The following RALYL variants were observed in gnomAD, a reference collection of about 807,000 sequenced individuals.
RALYL encodes the protein RNA-binding Raly-like protein.
In RALYL, 29 loss-of-function variants were observed where a neutral mutation model predicts 35.1. The observed-to-expected ratio is 0.83, with a 90% CI of 0.61 to 1.13. The LOEUF (loss-of-function observed/expected upper bound fraction) is 1.13, where lower values mean the gene tolerates loss of function less well. Among genes scored for constraint, RALYL ranks in the 50% most tolerant of loss-of-function variants. The pLI, the probability that RALYL is intolerant of heterozygous loss-of-function variation, is 0.00. For missense variants in RALYL, 359 were observed against 360.4 expected (o/e 1.00, Z 0.03); for synonymous variants, 120 against 127.6 (o/e 0.94, Z 0.40).
At chr8:84,885,382 A>G (rs951354338) in intron 7 of RALYL, among the ~76,000 whole-genome samples, 2 of 152,084 alleles carry the variant, frequency 1.3e-5, no homozygotes, top group African/African-American at 4.8e-5. Flanking sequence ...TCTTGGTTAC[A>G]TTTTACAATA....
chr8:84,615,628 G>T (rs1302029824), intron 2 of RALYL, among the ~76,000 whole-genome samples: 2 of 123,836 alleles, frequency 1.6e-5, no homozygotes, highest in Non-Finnish European at 3.2e-5. Flanking sequence ...AAGTTTTAGG[G>T]TACATGTGCA....
At chr8:84,809,964 CT>C (rs1431146772) in intron 4 of RALYL, among the ~76,000 whole-genome samples, 1 of 151,748 alleles carries the variant, frequency 6.6e-6, no homozygotes, top group Non-Finnish European at 1.5e-5. Flanking sequence ...TGTATTATTT[CT>C]TTTTGTTTCA....
At chr8:84,639,776 C>T (rs1239665645) in intron 2 of RALYL, among the ~76,000 whole-genome samples, 1 of 151,826 alleles carries the variant, frequency 6.6e-6, no homozygotes, top group Non-Finnish European at 1.5e-5. Flanking sequence ...GAATTAAAGC[C>T]AATTAAATGC....
chr8:84,612,197 C>T (rs1478340551), intron 2 of RALYL, among the ~76,000 whole-genome samples: 1 of 151,740 alleles, frequency 6.6e-6, no homozygotes, highest in East Asian at 1.9e-4. Context: ...ATTATTTCTT[C>T]ATAACTTCTG....
At chr8:84,247,596 G>T (rs76329760) in intron 1 of RALYL, among the ~76,000 whole-genome samples, 1 of 151,594 alleles carries the variant, frequency 6.6e-6, no homozygotes, top group Non-Finnish European at 1.5e-5. Context: ...AGAATAGGAC[G>T]CAGGCTTTAA....
intron 1 of RALYL, among the ~76,000 whole-genome samples, chr8:84,453,594 A>G (rs115989238): frequency 0.016 from 2,508 of 152,036 alleles, 69 homozygotes; most frequent in African/African-American, 0.057. Context: ...TCACAGAAAT[A>G]TATTCAAAGT....
At chr8:84,732,668 T>TTATATATATATATATATATATATATA (rs1554553641) in intron 2 of RALYL, among the ~76,000 whole-genome samples, 11 of 132,490 alleles carry the variant, frequency 8.3e-5, no homozygotes, top group African/African-American at 1.9e-4. Flanking sequence ...TATTAAATAA[T>TTATATATATATATATATATATATATA]TATATATATA....
At chr8:84,223,523 A>G (rs1366332863) in intron 1 of RALYL, among the ~76,000 whole-genome samples, 2 of 152,298 alleles carry the variant, frequency 1.3e-5, no homozygotes, top group East Asian at 3.9e-4. Context: ...TGATATGCAG[A>G]AAGAATGCCA....
At chr8:84,786,316 C>G (rs933942514) in intron 3 of RALYL, among the ~76,000 whole-genome samples, 1 of 151,998 alleles carries the variant, frequency 6.6e-6, no homozygotes, top group African/African-American at 2.4e-5. Context: ...TATAATAGAA[C>G]GATTTCTATT....
chr8:84,515,138 C>A (rs573354588), intron 1 of RALYL, among the ~76,000 whole-genome samples: 1 of 152,084 alleles, frequency 6.6e-6, no homozygotes, highest in Non-Finnish European at 1.5e-5. Flanking sequence ...TTTATGTTTA[C>A]GACCCTAAGC....
In RALYL at chr8:84,767,508, A is replaced by C. The variant is rs541275226; in HGVS notation, c.257-7071A>C. 9.2e-4 allele frequency among the ~76,000 whole-genome samples: 140 copies of C among 152,310 alleles called. 1 individual carries two copies. The highest frequency in any genetic ancestry group is 3.2e-3 in the African/African-American group (135 of 41,566). ...CTTTTTTTATACTTTTTTCATGCTAACTTGAAATATTGAAACTTCAGAATG... is the reference window on the plus strand; with the variant it reads ...CTTTTTTTATACTTTTTTCATGCTACCTTGAAATATTGAAACTTCAGAATG... On this transcript the variant is annotated intron_variant, in intron 2 of 8. Transcript: ENST00000521268.
chr8:84,192,920 G>A lies in RALYL; in HGVS notation c.-24+8496G>A, dbSNP rs546214069. ...GTGTGTGTGTGTGGGGGGGGGGGTT[G>A]TGTACGTGTATATGTAAAATAATCA... On this transcript the variant is annotated intron_variant, in intron 1 of 8. Transcript: ENST00000521268. Among the ~76,000 whole-genome samples the A allele has an allele frequency of 2.7e-5, 4 of 146,990 alleles. No individual in the cohort carries two copies. The South Asian group carries it at 8.6e-4, about 32-fold the overall frequency.
At chr8:84,758,262 T>G (rs1208327032) in intron 2 of RALYL, among the ~76,000 whole-genome samples, 1 of 152,198 alleles carries the variant, frequency 6.6e-6, no homozygotes, top group South Asian at 2.1e-4. Flanking sequence ...CAGAGTTTAT[T>G]TGGTGGAAAG....
intron 1 of RALYL, among the ~76,000 whole-genome samples, chr8:84,418,907 C>T (rs1043673157): frequency 1.3e-5 from 2 of 152,100 alleles, no homozygotes. Flanking sequence ...CCTGAAACCT[C>T]ATTTCCATCT....
chr8:84,471,363 G>A (rs868803002), intron 1 of RALYL, among the ~76,000 whole-genome samples: 19 of 151,480 alleles, frequency 1.3e-4, no homozygotes, highest in Middle Eastern at 3.2e-3. Flanking sequence ...TGGGAGGATC[G>A]CTTGAGGCCA....
chr8:84,297,446 C>T (rs1452878745), intron 1 of RALYL, among the ~76,000 whole-genome samples: 4 of 152,128 alleles, frequency 2.6e-5, no homozygotes, highest in African/African-American at 4.8e-5. Flanking sequence ...TTTCTTTATT[C>T]AGTCTACTCT....
chr8:84,213,206 C>T (rs1485955008), intron 1 of RALYL, among the ~76,000 whole-genome samples: 3 of 152,002 alleles, frequency 2.0e-5, no homozygotes, highest in African/African-American at 2.4e-5. Flanking sequence ...GCCTGACCAA[C>T]GTGGTGAAAC....
intron 1 of RALYL, among the ~76,000 whole-genome samples, chr8:84,406,694 G>T (rs1379998721): frequency 6.6e-6 from 1 of 151,640 alleles, no homozygotes; most frequent in South Asian, 2.1e-4. Context: ...GAAACATTTC[G>T]ACTACCATGG....
chr8:84,905,626 A>G (rs917768806), intron 8 of RALYL, among the ~76,000 whole-genome samples: 4 of 152,068 alleles, frequency 2.6e-5, no homozygotes, highest in African/African-American at 4.8e-5. Flanking sequence ...CCTATTAAAC[A>G]ATGAATTTTT....
Sources: gnomAD v4.1 joint callset for allele counts (sites outside exome capture counted in the v4.1 genomes callset) on GRCh38, gnomAD v4.1.1 for gene constraint, MANE v1.5 for transcripts, NCBI Gene and HGNC (gene_info 2026-07-23, HGNC 2026-07-21) for gene names.